Variants in CAMTA1 observed in about 807,000 individuals in gnomAD.
The protein encoded by CAMTA1 is calmodulin-binding transcription activator 1.
CAMTA1 carries 27 observed loss-of-function variants against 170.9 expected under a neutral mutation model. The ratio of observed to expected loss-of-function variants is 0.16; its 90% CI spans 0.12 to 0.22. CAMTA1 has a LOEUF of 0.22. Ranked by LOEUF, CAMTA1 falls within the 10% of genes least tolerant of loss-of-function variation. The pLI, the probability that CAMTA1 is intolerant of heterozygous loss-of-function variation, is 1.00. For synonymous variants in CAMTA1, 833 were observed against 891.5 expected (o/e 0.93, Z 1.17); for missense variants, 1,619 against 2,217.2 (o/e 0.73, Z 5.42).
rs565420712 is a variant in CAMTA1, at chr1:7,642,332, T to TG, written c.664+1786dup. 1.4e-3 allele frequency among the ~76,000 whole-genome samples: 209 copies of TG among 151,644 alleles called. No individual in the cohort carries two copies. Among genetic ancestry groups the TG allele is most frequent in the Admixed American group, 4.3e-3 (66 of 15,242 alleles). On this transcript the variant is annotated intron_variant, in intron 7 of 22. Transcript: ENST00000303635. The surrounding 1 kb of genome is among the most constrained non-coding windows in gnomAD (Gnocchi z 6.3). Reference sequence around the variant, plus strand: ...GGCCCTGGAAATAGCCCTGGAATGGTGGGGGGGAAGGGACCTGCCCAGGGT... The same window carrying TG: ...GGCCCTGGAAATAGCCCTGGAATGGTGGGGGGGGAAGGGACCTGCCCAGGGT...
chr1:7,532,210 C>G lies in CAMTA1; in HGVS notation c.510+64309C>G, dbSNP rs1481280473. On this transcript the variant is annotated intron_variant, in intron 6 of 22. Transcript: ENST00000303635. The surrounding 1 kb of genome is among the most constrained non-coding windows in gnomAD (Gnocchi z 4.2). ...GTCCTTCCTGTGTGGCCTTCGGATT[C>G]TTGGTGGAGGGGACATTCTTGCACA... Among the ~76,000 whole-genome samples the G allele has an allele frequency of 1.3e-5, 2 of 152,216 alleles. No homozygotes were observed. Among genetic ancestry groups the G allele is most frequent in the East Asian group, 3.9e-4 (2 of 5,192 alleles).
chr1:6,848,329 A>G (rs1659088904), intron 3 of CAMTA1, among the ~76,000 whole-genome samples: 1 of 152,066 alleles, frequency 6.6e-6, no homozygotes, highest in Admixed American at 6.5e-5. Flanking sequence ...TTTTATTTTT[A>G]TTTTGTAAAG....
chr1:7,040,290 T>A (rs1704233539), intron 3 of CAMTA1, among the ~76,000 whole-genome samples: 1 of 152,200 alleles, frequency 6.6e-6, no homozygotes, highest in Non-Finnish European at 1.5e-5. Flanking sequence ...CAGAGATGTT[T>A]TCACGATGTA....
rs1157142225 is a variant in CAMTA1, at chr1:6,917,847, G to C, written c.234+92637G>C. Among the ~76,000 whole-genome samples, 58 of 89,660 alleles carry C rather than the reference G, an allele frequency of 6.5e-4. 3 individuals carry two copies. Among genetic ancestry groups the C allele is most frequent in the African/African-American group, 1.1e-3 (34 of 30,698 alleles). The allele number at this position is 89,660 out of a possible 152,430, so 58.8% of individuals were successfully genotyped here. A position where few individuals can be genotyped will look rare whatever the true frequency, so the allele number is the denominator to read the frequency against. On this transcript the variant is annotated intron_variant, in intron 3 of 22. Coordinates refer to ENST00000303635, the MANE Select transcript of CAMTA1 (RefSeq NM_015215.4). ...GGAAGGGCAGAAGCAAAACCCATCG[G>C]GGGCGGGGGGGGACATCTACATGCC...
At chr1:6,882,029 G>T (rs1349942281) in intron 3 of CAMTA1, among the ~76,000 whole-genome samples, 1 of 152,156 alleles carries the variant, frequency 6.6e-6, no homozygotes, top group Non-Finnish European at 1.5e-5. Flanking sequence ...GAATCTTCCA[G>T]GGCAGGGCCA....
chr1:6,983,282 T>C (rs577379727), intron 3 of CAMTA1, among the ~76,000 whole-genome samples: 1 of 152,292 alleles, frequency 6.6e-6, no homozygotes, highest in East Asian at 1.9e-4. Context: ...AGCTAGTGTC[T>C]ATGTCCTGTG....
chr1:6,877,259 TC>T (rs1348904059), intron 3 of CAMTA1, among the ~76,000 whole-genome samples: 1 of 152,196 alleles, frequency 6.6e-6, no homozygotes, highest in Non-Finnish European at 1.5e-5. Context: ...GCGGCAGACT[TC>T]CTCACTGTGA....
At chr1:6,827,960 G>C (rs1286590843) in intron 3 of CAMTA1, among the ~76,000 whole-genome samples, 1 of 152,208 alleles carries the variant, frequency 6.6e-6, no homozygotes, top group Non-Finnish European at 1.5e-5. Flanking sequence ...CACACTGGAA[G>C]AGGCGTGTGG....
chr1:7,450,484 C>T (rs888022919), intron 5 of CAMTA1, among the ~76,000 whole-genome samples: 1 of 152,204 alleles, frequency 6.6e-6, no homozygotes, highest in South Asian at 2.1e-4. Context: ...ATGGAAGGGG[C>T]CTCTGCAGCT....
At chr1:6,851,488 A>C (rs577361471) in intron 3 of CAMTA1, among the ~76,000 whole-genome samples, 1 of 152,334 alleles carries the variant, frequency 6.6e-6, no homozygotes, top group African/African-American at 2.4e-5. Flanking sequence ...CAGTATTTGG[A>C]GTGATGATAG....
intron 10 of CAMTA1, among the ~76,000 whole-genome samples, chr1:7,675,062 G>A (rs981138421): frequency 6.6e-6 from 1 of 152,218 alleles, no homozygotes; most frequent in East Asian, 1.9e-4. Context: ...GAAGAAGGAG[G>A]TTCCTTCTGG....
intron 11 of CAMTA1, among the ~76,000 whole-genome samples, chr1:7,711,308 A>G (rs2096568979): frequency 6.6e-6 from 1 of 152,116 alleles, no homozygotes; most frequent in Admixed American, 6.5e-5. Flanking sequence ...TCCTAATACC[A>G]TCACGTTGGG....
chr1:6,989,956 C>T (rs920900070), intron 3 of CAMTA1, among the ~76,000 whole-genome samples: 5 of 152,158 alleles, frequency 3.3e-5, no homozygotes, highest in African/African-American at 1.2e-4. Flanking sequence ...GCAACATGAC[C>T]TCTGCATTCC....
At chr1:6,920,637 T>C (rs1211034399) in intron 3 of CAMTA1, among the ~76,000 whole-genome samples, 1 of 152,244 alleles carries the variant, frequency 6.6e-6, no homozygotes, top group East Asian at 1.9e-4. Flanking sequence ...AGCAAACTTT[T>C]TCCTGGGCAT....
At chr1:7,323,658 G>A (rs926010798) in intron 5 of CAMTA1, among the ~76,000 whole-genome samples, 2 of 151,978 alleles carry the variant, frequency 1.3e-5, no homozygotes, top group South Asian at 4.2e-4. Context: ...GAGTCGGTGG[G>A]ATCCTATTTT....
rs1351518210 is a variant in CAMTA1 at position 6,971,899 on chromosome 1, G to A, written c.235-119405G>A. On this transcript the variant is annotated intron_variant, in intron 3 of 22. Coordinates refer to ENST00000303635, the MANE Select transcript of CAMTA1 (RefSeq NM_015215.4). This position sits in a 1 kb window ranked among gnomAD's most constrained non-coding sequence, Gnocchi z 4.6. ...TCAGCCTCCCCAAAAAGCCAGAGCT[G>A]GCCTGGAGAGAGGAGAGGAGAGCAT... 6.6e-6 allele frequency among the ~76,000 whole-genome samples: 1 copy of A among 152,256 alleles called. No homozygotes were observed. Among genetic ancestry groups the A allele is most frequent in the Non-Finnish European group, 1.5e-5 (1 of 68,048 alleles).
chr1:6,901,350 C>T (rs1020735326), intron 3 of CAMTA1, among the ~76,000 whole-genome samples: 3 of 152,078 alleles, frequency 2.0e-5, no homozygotes, highest in African/African-American at 7.2e-5. Flanking sequence ...GATATGGCAC[C>T]AATTGTGCAA....
chr1:7,437,845 T>C (rs2092396192), intron 5 of CAMTA1, among the ~76,000 whole-genome samples: 1 of 152,204 alleles, frequency 6.6e-6, no homozygotes, highest in Non-Finnish European at 1.5e-5. Flanking sequence ...GGTCGGGCGG[T>C]GTGTCCAGCA....
At chr1:6,943,358 G>A (rs1276680854) in intron 3 of CAMTA1, among the ~76,000 whole-genome samples, 1 of 151,964 alleles carries the variant, frequency 6.6e-6, no homozygotes, top group Non-Finnish European at 1.5e-5. Context: ...GGAGCATTGA[G>A]GGTCCCTGTG....
Sources: gnomAD v4.1 joint callset for allele counts (sites outside exome capture counted in the v4.1 genomes callset) on GRCh38, gnomAD v4.1.1 for gene constraint, Gnocchi (gnomAD v3.1) non-coding constraint, MANE v1.5 for transcripts, NCBI Gene and HGNC (gene_info 2026-07-23, HGNC 2026-07-21) for gene names.